The following ZNF385D variants were observed in gnomAD, a reference collection of about 807,000 sequenced individuals.
ZNF385D encodes the protein zinc finger protein 659.
In ZNF385D, 15 loss-of-function variants were observed where a neutral mutation model predicts 35.8. The ratio of observed to expected loss-of-function variants is 0.42; its 90% confidence interval spans 0.28 to 0.64. The LOEUF (loss-of-function observed/expected upper bound fraction) is 0.64. Ranked by LOEUF, ZNF385D falls within the 30% of genes least tolerant of loss-of-function variation. ZNF385D has a pLI of 0.23. For synonymous variants in ZNF385D, 212 were observed against 186.8 expected (o/e 1.13, Z -1.10); for missense variants, 474 against 494.6 (o/e 0.96, Z 0.39).
intron 3 of ZNF385D, among the ~76,000 whole-genome samples, chr3:22,079,776 C>A (rs1470558960): frequency 6.6e-6 from 1 of 151,768 alleles, no homozygotes; most frequent in African/African-American, 2.4e-5. Context: ...AATAGTATAT[C>A]TAATGAGAAA....
intron 2 of ZNF385D, among the ~76,000 whole-genome samples, chr3:22,337,469 G>C (rs1441518249): frequency 6.6e-6 from 1 of 152,128 alleles, no homozygotes; most frequent in Non-Finnish European, 1.5e-5. Flanking sequence ...GGGAAGCGGA[G>C]GTTGCAGTGA....
chr3:22,362,874 T>C (rs1272824568), intron 2 of ZNF385D, among the ~76,000 whole-genome samples: 1 of 152,090 alleles, frequency 6.6e-6, no homozygotes, highest in Non-Finnish European at 1.5e-5. Context: ...AATTATTTGT[T>C]TCACAAATGT....
intron 3 of ZNF385D, among the ~76,000 whole-genome samples, chr3:22,056,432 A>T (rs1490431348): frequency 1.3e-5 from 2 of 152,258 alleles, no homozygotes; most frequent in East Asian, 3.9e-4. Flanking sequence ...TCCATCAAGG[A>T]TCATTTAGGT....
chr3:21,422,375 T>G (rs1700783013), intron 7 of ZNF385D, among the ~76,000 whole-genome samples: 1 of 152,168 alleles, frequency 6.6e-6, no homozygotes, highest in African/African-American at 2.4e-5. Flanking sequence ...AAACTTTTAT[T>G]TTAAGTTCAA....
intron 2 of ZNF385D, among the ~76,000 whole-genome samples, chr3:21,663,490 AG>A (rs372151979): frequency 6.6e-5 from 10 of 152,160 alleles, no homozygotes; most frequent in African/African-American, 2.2e-4. Context: ...CTGGGACACA[AG>A]GCTGTGCCAG....
intron 2 of ZNF385D, among the ~76,000 whole-genome samples, chr3:22,169,193 T>G (rs767208876): frequency 6.6e-6 from 1 of 152,236 alleles, no homozygotes; most frequent in Non-Finnish European, 1.5e-5. Flanking sequence ...TATGCTAAAG[T>G]AGACAATCTC....
intron 3 of ZNF385D, among the ~76,000 whole-genome samples, chr3:21,917,152 C>G (rs1700228477): frequency 6.6e-6 from 1 of 152,126 alleles, no homozygotes; most frequent in Non-Finnish European, 1.5e-5. Flanking sequence ...GGAAGTCTGG[C>G]CTGGTGCGGT....
chr3:22,033,859 A>T (rs1414244356), intron 3 of ZNF385D, among the ~76,000 whole-genome samples: 1 of 152,150 alleles, frequency 6.6e-6, no homozygotes. Context: ...TCTAAATTAA[A>T]ATCTATAATC....
Position 21,731,460 on chromosome 3 carries a change from C to G in ZNF385D, c.22+19435G>C, listed in dbSNP as rs369490524. The stretch of plus-strand genomic sequence containing the variant: ...GTCCCGTTACCAACATCCTCCACCA[C>G]AGTGGTACATTTGTTTCAATTGATG... On this transcript the variant is annotated intron_variant, in intron 1 of 7. Transcript: ENST00000281523. Among the ~76,000 whole-genome samples the G allele has an allele frequency of 1.8e-3, 274 of 152,332 alleles. 8 individuals carry two copies. The South Asian group carries it at 0.054, about 30-fold the overall frequency.
chr3:21,782,328 G>C lies in ZNF385D; in HGVS notation c.326-117300C>G, dbSNP rs952640343. 2.0e-5 allele frequency among the ~76,000 whole-genome samples: 3 copies of C among 152,046 alleles called. No individual in the cohort carries two copies. The South Asian group carries it at 6.2e-4, about 32-fold the overall frequency. ...TAAAATCTCCAAGTTTAGAACTGAG[G>C]GAAATGACCTGCTACCTGGAGGAAA... On this transcript the variant is annotated intron_variant, in intron 3 of 5. Coordinates refer to the ZNF385D transcript ENST00000494108.
At chr3:21,647,430 A>C (rs1575391715) in intron 2 of ZNF385D, among the ~76,000 whole-genome samples, 11 of 125,074 alleles carry the variant, frequency 8.8e-5, no homozygotes, top group Admixed American at 9.4e-5. Context: ...TCACTTCCTC[A>C]CTCCCTTTTT....
At chr3:21,949,885 C>T (rs1017314416) in intron 3 of ZNF385D, among the ~76,000 whole-genome samples, 1 of 152,092 alleles carries the variant, frequency 6.6e-6, no homozygotes, top group Non-Finnish European at 1.5e-5. Context: ...AAGACATGAA[C>T]TCATCCTTTT....
chr3:22,009,876 A>C (rs534222218), intron 3 of ZNF385D, among the ~76,000 whole-genome samples: 4 of 152,114 alleles, frequency 2.6e-5, no homozygotes, highest in East Asian at 1.9e-4. Flanking sequence ...TTTGTGTTAT[A>C]AGCCTATAGT....
At chr3:21,765,551 G>T (rs975370824) in intron 3 of ZNF385D, among the ~76,000 whole-genome samples, 3 of 152,022 alleles carry the variant, frequency 2.0e-5, no homozygotes, top group African/African-American at 7.2e-5. Context: ...GATGGAGAAG[G>T]AACGTGTCAA....
intron 3 of ZNF385D, among the ~76,000 whole-genome samples, chr3:21,808,784 T>C (rs1029827990): frequency 2.0e-5 from 3 of 152,158 alleles, no homozygotes; most frequent in Non-Finnish European, 2.9e-5. Flanking sequence ...AGCCAATACA[T>C]GAATCCAACC....
intron 3 of ZNF385D, among the ~76,000 whole-genome samples, chr3:21,880,883 G>C (rs535545427): frequency 1.1e-4 from 16 of 152,026 alleles, no homozygotes; most frequent in Middle Eastern, 3.4e-3. Context: ...AGAAAGTTTT[G>C]GTGGTCTGGA....
intron 2 of ZNF385D, among the ~76,000 whole-genome samples, chr3:21,616,797 A>G (rs1048586160): frequency 6.6e-6 from 1 of 152,184 alleles, no homozygotes; most frequent in Non-Finnish European, 1.5e-5. Flanking sequence ...TGTGTTTTTG[A>G]TAAATAAGAT....
intron 3 of ZNF385D, among the ~76,000 whole-genome samples, chr3:22,107,474 A>G (rs545404787): frequency 6.6e-6 from 1 of 152,114 alleles, no homozygotes; most frequent in African/African-American, 2.4e-5. Flanking sequence ...AAAAACTACT[A>G]ATCTTAAAAA....
intron 3 of ZNF385D, among the ~76,000 whole-genome samples, chr3:21,990,004 C>G (rs1261472694): frequency 6.6e-6 from 1 of 152,098 alleles, no homozygotes; most frequent in South Asian, 2.1e-4. Context: ...TTTATTTTAG[C>G]TTTAAAGACA....
Sources: allele counts gnomAD v4.1 joint callset (sites outside exome capture counted in the v4.1 genomes callset), GRCh38; gene constraint gnomAD v4.1.1; transcripts MANE v1.5; gene names NCBI Gene and HGNC (gene_info 2026-07-23, HGNC 2026-07-21).